PBLD: variants seen among roughly 807,000 people sequenced by gnomAD.
PBLD encodes phenazine biosynthesis like protein domain containing.
A neutral mutation model predicts 31.3 loss-of-function variants in PBLD; 26 were observed. The ratio of observed to expected loss-of-function variants is 0.83; its 90% CI spans 0.61 to 1.15. The LOEUF (loss-of-function observed/expected upper bound fraction) is 1.15. PBLD is among the 50% of genes most tolerant of loss of function. The pLI is 0.00. For missense variants in PBLD, 307 were observed against 351.7 expected (o/e 0.87, Z 1.02); for synonymous variants, 114 against 129.0 (o/e 0.88, Z 0.79).
At chr10:68,319,714 C>G (rs1388983091) in intron 1 of PBLD, among the ~76,000 whole-genome samples, 1 of 151,860 alleles carries the variant, frequency 6.6e-6, no homozygotes, top group Non-Finnish European at 1.5e-5. Context: ...GACAAAGACT[C>G]CATCTCAAAA....
At chr10:68,296,226 A>T in intron 4 of PBLD, 40 bp downstream of exon 4, 1 of 1,468,230 alleles carries the variant, frequency 6.8e-7, no homozygotes, top group Non-Finnish European at 9.3e-7. Context: ...AAAAAAAGCC[A>T]TTTGCTAAGT....
chr10:68,303,368 G>A (rs1046090459), intron 2 of PBLD, among the ~76,000 whole-genome samples: 2 of 151,652 alleles, frequency 1.3e-5, no homozygotes, highest in Non-Finnish European at 2.9e-5. Context: ...TTACAGGTGT[G>A]AACCACCGCA....
At chr10:68,323,714 A>G (rs1019112422) in intron 1 of PBLD, among the ~76,000 whole-genome samples, 2 of 152,206 alleles carry the variant, frequency 1.3e-5, no homozygotes, top group Non-Finnish European at 2.9e-5. Flanking sequence ...CTAATAGAGT[A>G]TACTTCCTTT....
chr10:68,290,208 G>T (rs1403380353), intron 6 of PBLD, among the ~76,000 whole-genome samples: 1 of 152,114 alleles, frequency 6.6e-6, no homozygotes, highest in Non-Finnish European at 1.5e-5. Flanking sequence ...GGTGGCTTCA[G>T]GTTCTCTAAT....
chr10:68,299,143 TG>T (rs2134454579), intron 2 of PBLD, among the ~76,000 whole-genome samples: 1 of 149,488 alleles, frequency 6.7e-6, no homozygotes, highest in African/African-American at 2.5e-5. Flanking sequence ...ACCCGAAGTA[TG>T]TTTTCCTTTT....
chr10:68,302,199 ATTCCCTTGCTTTAATATCCAT>A (rs900052430), intron 2 of PBLD, among the ~76,000 whole-genome samples: 1 of 152,232 alleles, frequency 6.6e-6, no homozygotes, highest in African/African-American at 2.4e-5. Flanking sequence ...ACAGCTATGA[ATTCCCTTGCTTTAATATCCAT>A]TTCCCTTTGG....
intron 2 of PBLD, among the ~76,000 whole-genome samples, chr10:68,297,956 A>AAAT (rs1283249629): frequency 9.0e-5 from 5 of 55,810 alleles, no homozygotes; most frequent in East Asian, 7.1e-4. Flanking sequence ...AAAAAGATTT[A>AAAT]AATAAAAAAA....
chr10:68,313,633 T>C (rs1412582464), intron 1 of PBLD, among the ~76,000 whole-genome samples: 1 of 152,216 alleles, frequency 6.6e-6, no homozygotes, highest in African/African-American at 2.4e-5. Context: ...ATTATCATCA[T>C]GATTTACCAT....
chr10:68,324,970 G>A (rs1486571070), intron 1 of PBLD, among the ~76,000 whole-genome samples: 2 of 150,934 alleles, frequency 1.3e-5, no homozygotes, highest in Non-Finnish European at 2.9e-5. Context: ...TCTGGGCTAG[G>A]TGCAGTTGCT....
At chr10:68,311,953 T>G (rs1041702529) in intron 1 of PBLD, among the ~76,000 whole-genome samples, 15 of 152,220 alleles carry the variant, frequency 9.9e-5, no homozygotes, top group Admixed American at 8.5e-4. Flanking sequence ...ATCAGTAGCC[T>G]GGGAACAGAT....
intron 2 of PBLD, among the ~76,000 whole-genome samples, chr10:68,301,411 A>G (rs1276394843): frequency 4.6e-5 from 7 of 151,916 alleles, no homozygotes; most frequent in Admixed American, 1.3e-4. Flanking sequence ...GAACTCAAGC[A>G]CTCTCCATGG....
At chr10:68,298,526 C>T (rs1737001349) in intron 2 of PBLD, among the ~76,000 whole-genome samples, 2 of 152,114 alleles carry the variant, frequency 1.3e-5, no homozygotes. Context: ...GCATGTTCAT[C>T]ATACCATTCT....
chr10:68,311,415 T>C (rs2044665564), intron 1 of PBLD, among the ~76,000 whole-genome samples: 1 of 151,800 alleles, frequency 6.6e-6, no homozygotes, highest in African/African-American at 2.4e-5. Context: ...TGAAACCCCA[T>C]CTCTACTAAA....
At chr10:68,306,381 CAGTT>C (rs2044579380) in intron 2 of PBLD, among the ~76,000 whole-genome samples, 1 of 152,140 alleles carries the variant, frequency 6.6e-6, no homozygotes, top group Non-Finnish European at 1.5e-5. Context: ...TAAAGATACT[CAGTT>C]AGGATCTGTT....
intron 1 of PBLD, among the ~76,000 whole-genome samples, chr10:68,307,170 C>A (rs566147950): frequency 7.2e-5 from 11 of 152,098 alleles, no homozygotes; most frequent in Admixed American, 7.2e-4. Context: ...GCTGGAATTA[C>A]AGGCACCTGC....
Position 68,306,865 on chromosome 10 carries a change from G to C in PBLD, c.-21C>G, listed in dbSNP as rs1443054991. On this transcript the variant is annotated 5_prime_UTR_variant, in exon 2 of 10. Coordinates refer to ENST00000358769, the MANE Select transcript of PBLD (RefSeq NM_022129.4). ...TTCATTTTCCTTGCAAGCTGTTTTT[G>C]CAAGTTCTCAAAATTGCTGGTAGCC... The C allele has an allele frequency of 6.3e-7, 1 of 1,592,856 alleles. No homozygotes were observed. Among genetic ancestry groups the C allele is most frequent in the Non-Finnish European group, 8.6e-7 (1 of 1,164,302 alleles).
intron 1 of PBLD, among the ~76,000 whole-genome samples, chr10:68,311,751 C>CAAA (rs987918906): frequency 0.038 from 2,240 of 59,308 alleles, 57 homozygotes; most frequent in Non-Finnish European, 0.055. Flanking sequence ...GACCCTGCCT[C>CAAA]AAAAAAAAAA....
chr10:68,328,366 C>G (rs182581091), intron 1 of PBLD, among the ~76,000 whole-genome samples: 42 of 152,294 alleles, frequency 2.8e-4, no homozygotes, highest in Non-Finnish European at 4.1e-4. Context: ...CTTCCCTCCC[C>G]CCGAAGAGTG....
intron 3 of PBLD, 145 bp from the exon 4 acceptor site, chr10:68,296,509 G>A (rs1370778263): frequency 1.6e-6 from 1 of 630,088 alleles, no homozygotes; most frequent in Non-Finnish European, 2.8e-6. Context: ...GGCTAGGCAA[G>A]CATCCTAGGG....
Sources: gnomAD v4.1 joint callset for allele counts (sites outside exome capture counted in the v4.1 genomes callset) on GRCh38, gnomAD v4.1.1 for gene constraint, MANE v1.5 for transcripts, NCBI Gene and HGNC (gene_info 2026-07-23, HGNC 2026-07-21) for gene names.